LRRFIP1: variants seen among roughly 807,000 people sequenced by gnomAD.
LRRFIP1 encodes leucine-rich repeat flightless-interacting protein 1.
In LRRFIP1, 62 loss-of-function variants were observed where a neutral mutation model predicts 104.4. The ratio of observed to expected loss-of-function variants is 0.59; its 90% CI spans 0.48 to 0.73. The LOEUF (loss-of-function observed/expected upper bound fraction) is 0.73, where lower values mean the gene tolerates loss of function less well. LRRFIP1 is among the 30% of genes least tolerant of loss of function. The pLI is 0.00. For synonymous variants in LRRFIP1, 300 were observed against 299.0 expected (o/e 1.00, Z -0.03); for missense variants, 796 against 824.5 (o/e 0.97, Z 0.42).
intron 2 of LRRFIP1, among the ~76,000 whole-genome samples, chr2:237,712,670 C>T (rs1186044421): frequency 2.0e-5 from 3 of 152,098 alleles, no homozygotes; most frequent in Non-Finnish European, 1.5e-5. Context: ...TGTGCATGTG[C>T]GCTCACACAC....
rs1401506666 is a variant in LRRFIP1, at chr2:237,739,238, G to C, written c.562G>C (p.Glu188Gln). 24 of 1,560,274 alleles carry C rather than the reference G, an allele frequency of 1.5e-5. No homozygotes were observed. The highest frequency in any genetic ancestry group is 2.1e-5 in the Non-Finnish European group (24 of 1,152,358). Residue 188 changes from glutamate (E) to glutamine (Q), a missense_variant, in exon 11 of 24, where the codon GAG becomes CAG. By Grantham distance (29) the Glu-to-Gln change is conservative (BLOSUM62 2). Coordinates refer to ENST00000308482, the MANE Select transcript of LRRFIP1 (RefSeq NM_001137550.2). ...GCGGTGGCTGTGTGGGCAGCCCTCG[G>C]AGTACAGCGGCCACCTCAACTCCAG... ...GSTSGSRAPS[E>Q]YSGHLNSSSR...
chr2:237,687,500 A>G (rs1030778020), intron 1 of LRRFIP1, among the ~76,000 whole-genome samples: 2 of 150,024 alleles, frequency 1.3e-5, no homozygotes, highest in African/African-American at 4.9e-5. Flanking sequence ...GCTACTCAGG[A>G]GGCTAAGGCA....
intron 1 of LRRFIP1, among the ~76,000 whole-genome samples, chr2:237,642,697 T>TTCCAGGC (rs1357887989): frequency 6.6e-6 from 1 of 151,790 alleles, no homozygotes; most frequent in Admixed American, 6.6e-5. Context: ...TGGTTCCAGG[T>TTCCAGGC]TCCAGGCTCC....
chr2:237,743,488 A>G (rs1434938043), intron 11 of LRRFIP1, among the ~76,000 whole-genome samples: 2 of 152,206 alleles, frequency 1.3e-5, no homozygotes, highest in African/African-American at 4.8e-5. Flanking sequence ...CCCCATCTCA[A>G]GACAGGCATA....
At chr2:237,744,721 A>G (rs191865558) in intron 11 of LRRFIP1, among the ~76,000 whole-genome samples, 1 of 152,392 alleles carries the variant, frequency 6.6e-6, no homozygotes, top group African/African-American at 2.4e-5. Flanking sequence ...ATACTTTGTA[A>G]ACCTGTTAGT....
chr2:237,671,136 G>T (rs1023565381), intron 1 of LRRFIP1, among the ~76,000 whole-genome samples: 16 of 152,168 alleles, frequency 1.1e-4, no homozygotes, highest in Non-Finnish European at 2.2e-4. Context: ...CTTCAGCTTC[G>T]AATGACCATT....
chr2:237,745,595 C>G (rs986975403), intron 11 of LRRFIP1, among the ~76,000 whole-genome samples: 1 of 152,172 alleles, frequency 6.6e-6, no homozygotes, highest in African/African-American at 2.4e-5. Context: ...TAAAGCCCTG[C>G]CCCCCCAAAA....
chr2:237,761,299 GAGGATCACTTAAGACC>G (rs2059841968), intron 19 of LRRFIP1, among the ~76,000 whole-genome samples: 1 of 152,206 alleles, frequency 6.6e-6, no homozygotes, highest in African/African-American at 2.4e-5. Context: ...GCCAAGGCTG[GAGGATCACTTAAGACC>G]AGGAATTCCA....
rs112212759 is a variant in LRRFIP1, at chr2:237,661,361, T to G, written c.96+33621T>G. 6.6e-6 allele frequency among the ~76,000 whole-genome samples: 1 copy of G among 152,164 alleles called. No individual in the cohort carries two copies. Among genetic ancestry groups the G allele is most frequent in the African/African-American group, 2.4e-5 (1 of 41,454 alleles). On this transcript the variant is annotated intron_variant, in intron 1 of 23. Coordinates refer to ENST00000308482, the MANE Select transcript of LRRFIP1 (RefSeq NM_001137550.2). The surrounding 1 kb of genome is among the most constrained non-coding windows in gnomAD (Gnocchi z 4.4). ...TGTCCAGTCCACCCAGATGCCACCA[T>G]GCCTGCCAGTCCCTCTCCTCCTTAG...
At chr2:237,651,399 T>C (rs1021258251) in intron 1 of LRRFIP1, among the ~76,000 whole-genome samples, 4 of 152,240 alleles carry the variant, frequency 2.6e-5, no homozygotes, top group African/African-American at 9.6e-5. Context: ...TAAAACATAA[T>C]AAACTTTTTT....
intron 1 of LRRFIP1, among the ~76,000 whole-genome samples, chr2:237,629,718 C>T (rs1443995838): frequency 1.3e-5 from 2 of 152,152 alleles, no homozygotes; most frequent in Admixed American, 6.5e-5. Context: ...GTGATCTTCC[C>T]GCCTTGGCCT....
intron 13 of LRRFIP1, among the ~76,000 whole-genome samples, chr2:237,750,029 A>G (rs1151795): frequency 0.02 from 3,045 of 152,232 alleles, 45 homozygotes; most frequent in Non-Finnish European, 0.033. Context: ...GAAGCAGCTG[A>G]AAGGAGCCAG....
intron 23 of LRRFIP1, among the ~76,000 whole-genome samples, chr2:237,775,182 G>A (rs2060975721): frequency 6.6e-6 from 1 of 152,250 alleles, no homozygotes; most frequent in South Asian, 2.1e-4. Flanking sequence ...GAATGGCCCA[G>A]GCCAGGGCAG....
chr2:237,640,879 C>G (rs28470928), intron 1 of LRRFIP1, among the ~76,000 whole-genome samples: 2,351 of 152,280 alleles, frequency 0.015, 61 homozygotes, highest in African/African-American at 0.049. Context: ...CAACCCCTGG[C>G]CTCTCTTTTC....
chr2:237,740,453 C>G (rs561587494), intron 11 of LRRFIP1, among the ~76,000 whole-genome samples: 3 of 152,104 alleles, frequency 2.0e-5, no homozygotes, highest in East Asian at 3.9e-4. Context: ...TCCCAGCCAT[C>G]GAGAAGTTAA....
chr2:237,664,630 T>C (rs1000482709), intron 1 of LRRFIP1, among the ~76,000 whole-genome samples: 2 of 152,162 alleles, frequency 1.3e-5, no homozygotes, highest in Non-Finnish European at 2.9e-5. Context: ...TCTCTGTGAG[T>C]TTTTAAATTT....
chr2:237,648,342 T>C (rs1025923356), intron 1 of LRRFIP1, among the ~76,000 whole-genome samples: 6 of 151,964 alleles, frequency 3.9e-5, no homozygotes, highest in Non-Finnish European at 7.4e-5. Flanking sequence ...GCTCTTTCCC[T>C]ATTTTAGGGA....
chr2:237,652,689 C>G lies in LRRFIP1; in HGVS notation c.96+24949C>G, dbSNP rs116245651. 1.3e-3 allele frequency among the ~76,000 whole-genome samples: 205 copies of G among 152,268 alleles called. 2 individuals carry two copies. The highest frequency in any genetic ancestry group is 4.8e-3 in the African/African-American group (198 of 41,558). On this transcript the variant is annotated intron_variant, in intron 1 of 23. Coordinates refer to ENST00000308482, the MANE Select transcript of LRRFIP1 (RefSeq NM_001137550.2). Reference sequence around the variant, plus strand: ...GCAACAAACTATCCAAAAAAGAAATCAAGAAAACAATCTTGGCTGGGCACA... The same window carrying G: ...GCAACAAACTATCCAAAAAAGAAATGAAGAAAACAATCTTGGCTGGGCACA...
intron 1 of LRRFIP1, among the ~76,000 whole-genome samples, chr2:237,631,020 G>A (rs557168155): frequency 2.0e-5 from 3 of 152,352 alleles, no homozygotes; most frequent in Admixed American, 2.0e-4. Context: ...GGGGCTCAGT[G>A]CCTGTGGCAA....
Sources: allele counts gnomAD v4.1 joint callset (sites outside exome capture counted in the v4.1 genomes callset), GRCh38; gene constraint gnomAD v4.1.1; non-coding constraint Gnocchi (gnomAD v3.1); transcripts MANE v1.5; gene names NCBI Gene and HGNC (gene_info 2026-07-23, HGNC 2026-07-21).